RAB37: variants seen among roughly 807,000 people sequenced by gnomAD.
RAB37 encodes the protein RAB37, member RAS oncogene family.
In RAB37, 29 loss-of-function variants were observed where a neutral mutation model predicts 33.1. The ratio of observed to expected loss-of-function variants is 0.88; its 90% confidence interval spans 0.65 to 1.20. The LOEUF is 1.20. Ranked by LOEUF, RAB37 falls within the 50% of genes most tolerant of loss-of-function variation. The pLI, the probability that RAB37 is intolerant of heterozygous loss-of-function variation, is 0.00. For missense variants in RAB37, 299 were observed against 301.1 expected (o/e 0.99, Z 0.05); for synonymous variants, 128 against 119.5 (o/e 1.07, Z -0.47).
At chr17:74,683,084 C>T (rs1254007330) in intron 1 of RAB37, among the ~76,000 whole-genome samples, 1 of 152,188 alleles carries the variant, frequency 6.6e-6, no homozygotes, top group African/African-American at 2.4e-5. Flanking sequence ...CACAGTCCCA[C>T]CTGAACTGGC....
upstream of RAB37, among the ~76,000 whole-genome samples, chr17:74,734,890 A>T (rs1428095538): frequency 6.6e-6 from 1 of 150,924 alleles, no homozygotes; most frequent in Non-Finnish European, 1.5e-5. Flanking sequence ...AGAGAAAGAA[A>T]GGGAAAGAGA....
At chr17:74,709,519 A>G (rs2033793162) in intron 1 of RAB37, among the ~76,000 whole-genome samples, 1 of 152,142 alleles carries the variant, frequency 6.6e-6, no homozygotes, top group African/African-American at 2.4e-5. Flanking sequence ...TTTATTTTCC[A>G]CAATTAAAAA....
At chr17:74,704,645 T>C (rs1388182986) in intron 1 of RAB37, 3 of 1,614,068 alleles carry the variant, frequency 1.9e-6, no homozygotes. Flanking sequence ...CACCTCCTGC[T>C]CTGACCCACT....
chr17:74,698,444 T>C (rs1229699860), intron 1 of RAB37: 1 of 1,613,868 alleles, frequency 6.2e-7, no homozygotes, highest in East Asian at 2.2e-5. Flanking sequence ...ATGGTGAAGA[T>C]GAGGGGCAGG....
At chr17:74,743,084 G>C (rs1161489912) in intron 3 of RAB37, 45 bp from the exon 4 acceptor site, 1 of 1,570,522 alleles carries the variant, frequency 6.4e-7, no homozygotes, top group East Asian at 2.3e-5. Flanking sequence ...CACATTCCTT[G>C]CACCTGCCTC....
intron 1 of RAB37, among the ~76,000 whole-genome samples, chr17:74,691,294 C>T (rs1490686201): frequency 6.6e-6 from 1 of 152,160 alleles, no homozygotes; most frequent in African/African-American, 2.4e-5. Context: ...GCCACCATGC[C>T]TAGCCCAGAA....
At chr17:74,713,943 C>T (rs919349992) in intron 1 of RAB37, among the ~76,000 whole-genome samples, 2 of 145,810 alleles carry the variant, frequency 1.4e-5, no homozygotes, top group Non-Finnish European at 3.0e-5. Flanking sequence ...GGCATGGTGG[C>T]TCATGCCTGT....
In RAB37 at chr17:74,744,777, C is replaced by T; in HGVS notation, c.433-96C>T. The T allele has an allele frequency of 2.8e-6, 4 of 1,453,964 alleles. No homozygotes were observed. The highest frequency in any genetic ancestry group is 3.9e-6 in the Non-Finnish European group (4 of 1,034,836). 90.1% of individuals were successfully genotyped at this position (1,453,964 alleles called of 1,614,324 possible). ...CACCTGCCTGCAGTCCCTTGGGCCA[C>T]CAGCAGAGGGCAGGCAACGCCTGCT... On this transcript the variant is annotated intron_variant, in intron 6 of 8. Transcript: ENST00000392613. The surrounding 1 kb of genome is among the most constrained non-coding windows in gnomAD (Gnocchi z 4.2).
intron 1 of RAB37, among the ~76,000 whole-genome samples, chr17:74,702,610 A>C (rs1349518258): frequency 6.6e-6 from 1 of 152,158 alleles, no homozygotes; most frequent in Non-Finnish European, 1.5e-5. Flanking sequence ...GTCCTCCCAG[A>C]AGTTGAACCA....
At chr17:74,699,754 A>G (rs910851996) in intron 1 of RAB37, among the ~76,000 whole-genome samples, 1 of 152,114 alleles carries the variant, frequency 6.6e-6, no homozygotes, top group Non-Finnish European at 1.5e-5. Flanking sequence ...CGGCGGCCAC[A>G]GGACACTGAC....
chr17:74,680,534 C>T (rs1245622537), intron 1 of RAB37, among the ~76,000 whole-genome samples: 2 of 152,170 alleles, frequency 1.3e-5, no homozygotes, highest in African/African-American at 4.8e-5. Flanking sequence ...TGCTATCAGG[C>T]TGACATGAGT....
At chr17:74,733,949 G>C (rs913911072), upstream of RAB37, among the ~76,000 whole-genome samples, 4 of 152,134 alleles carry the variant, frequency 2.6e-5, no homozygotes, top group Non-Finnish European at 4.4e-5. Context: ...TTCTTCCCTA[G>C]GTCAGATTCC....
At chr17:74,696,548 G>A (rs540493631) in intron 1 of RAB37, among the ~76,000 whole-genome samples, 1 of 152,214 alleles carries the variant, frequency 6.6e-6, no homozygotes, top group Non-Finnish European at 1.5e-5. Context: ...ATCCCAACTC[G>A]GCCTGGAATT....
intron 1 of RAB37, among the ~76,000 whole-genome samples, chr17:74,684,717 G>A (rs1045163767): frequency 9.2e-5 from 14 of 152,114 alleles, no homozygotes; most frequent in Admixed American, 5.9e-4. Flanking sequence ...TTGAACCTGG[G>A]AGGCAGAGGT....
intron 1 of RAB37, chr17:74,677,604 T>G (rs1004369694): frequency 3.9e-5 from 6 of 152,212 alleles, no homozygotes; most frequent in Non-Finnish European, 7.3e-5. Context: ...TGTATAATAT[T>G]TCCACTGGCT....
chr17:74,736,917 GACTACGGGAACTCTTC>G, upstream of RAB37: 38 of 1,497,148 alleles, frequency 2.5e-5, no homozygotes, highest in South Asian at 3.3e-4. Flanking sequence ...GGTGCGCAGC[GACTACGGGAACTCTTC>G]CGCAGCAGAC....
At chr17:74,743,405 G>A in intron 5 of RAB37, 65 bp downstream of exon 5, 1 of 1,535,174 alleles carries the variant, frequency 6.5e-7, no homozygotes, top group Non-Finnish European at 9.0e-7. Context: ...GCAGGCTGGG[G>A]TTGCTTCCTG....
At chr17:74,706,776 G>A (rs1440954879) in intron 1 of RAB37, among the ~76,000 whole-genome samples, 1 of 152,216 alleles carries the variant, frequency 6.6e-6, no homozygotes, top group African/African-American at 2.4e-5. Flanking sequence ...TGAGGACCAC[G>A]GCAGCCTGGA....
At chr17:74,700,592 A>C (rs112649977) in intron 1 of RAB37, among the ~76,000 whole-genome samples, 116 of 152,092 alleles carry the variant, frequency 7.6e-4, no homozygotes, top group Admixed American at 2.0e-3. Context: ...AATACAAAAT[A>C]ACAGCCGGGT....
Sources: gnomAD v4.1 joint callset for allele counts (sites outside exome capture counted in the v4.1 genomes callset) on GRCh38, gnomAD v4.1.1 for gene constraint, Gnocchi (gnomAD v3.1) non-coding constraint, MANE v1.5 for transcripts, NCBI Gene and HGNC (gene_info 2026-07-23, HGNC 2026-07-21) for gene names.